SHISA9: variants seen among roughly 807,000 people sequenced by gnomAD.
SHISA9 encodes shisa family member 9.
In SHISA9, 13 loss-of-function variants were observed where a neutral mutation model predicts 38.0. The ratio of observed to expected loss-of-function variants is 0.34; its 90% CI spans 0.22 to 0.54. SHISA9 has a LOEUF of 0.54. Ranked by LOEUF, SHISA9 falls within the 20% of genes least tolerant of loss-of-function variation. The probability of loss-of-function intolerance (pLI) is 0.91; values close to 1 mark genes in which losing one functional copy is unlikely to be tolerated. For missense variants in SHISA9, 538 were observed against 575.8 expected, an observed-to-expected ratio of 0.93 and a Z score of 0.67; for synonymous variants, 275 against 242.0, an observed-to-expected ratio of 1.14 and a Z score of -1.27.
At chr16:13,386,196 ATAT>A in the SHISA9 span, among the ~76,000 whole-genome samples, 1 of 152,220 alleles carries the variant, frequency 6.6e-6, no homozygotes, top group Admixed American at 6.5e-5. Flanking sequence ...CCTGATTATG[ATAT>A]TATACTATAA....
the SHISA9 span, among the ~76,000 whole-genome samples, chr16:13,307,050 T>A: frequency 6.6e-6 from 1 of 152,170 alleles, no homozygotes; most frequent in Admixed American, 6.5e-5. Flanking sequence ...TATTAAGAAA[T>A]AAAAATATCA....
At chr16:13,342,486 A>G in the SHISA9 span, among the ~76,000 whole-genome samples, 1 of 152,090 alleles carries the variant, frequency 6.6e-6, no homozygotes, top group African/African-American at 2.4e-5. Context: ...GAATTTCACC[A>G]TGTTGGTCAG....
chr16:13,042,087 A>T (rs2073138468), intron 2 of SHISA9, among the ~76,000 whole-genome samples: 1 of 152,146 alleles, frequency 6.6e-6, no homozygotes, highest in African/African-American at 2.4e-5. Context: ...ATTACCAACA[A>T]CTATGGAGGC....
the SHISA9 span, among the ~76,000 whole-genome samples, chr16:13,295,583 T>C: frequency 2.0e-5 from 3 of 152,160 alleles, no homozygotes; most frequent in East Asian, 1.9e-4. Flanking sequence ...GAGCCTTGGT[T>C]TGCATATCAG....
chr16:13,293,426 G>A, the SHISA9 span, among the ~76,000 whole-genome samples: 1 of 152,154 alleles, frequency 6.6e-6, no homozygotes, highest in Non-Finnish European at 1.5e-5. Flanking sequence ...CAGTGGTTGA[G>A]AGCCCAGACT....
the SHISA9 span, among the ~76,000 whole-genome samples, chr16:13,449,263 G>T: frequency 2.0e-5 from 3 of 152,132 alleles, no homozygotes; most frequent in Non-Finnish European, 4.4e-5. Context: ...AGACCAAAAT[G>T]TTCAAGGAAT....
At chr16:13,087,397 C>T (rs1403563516) in intron 2 of SHISA9, among the ~76,000 whole-genome samples, 2 of 152,120 alleles carry the variant, frequency 1.3e-5, no homozygotes, top group African/African-American at 4.8e-5. Flanking sequence ...TGAGGAATCG[C>T]CACACTGTCT....
At chr16:13,530,566 G>A in the SHISA9 span, among the ~76,000 whole-genome samples, 7 of 152,112 alleles carry the variant, frequency 4.6e-5, no homozygotes, top group Admixed American at 4.6e-4. Flanking sequence ...TAAGTATGAT[G>A]GCATCCGTGA....
intron 4 of SHISA9, among the ~76,000 whole-genome samples, chr16:13,224,602 C>T (rs1431287605): frequency 6.6e-6 from 1 of 152,208 alleles, no homozygotes; most frequent in East Asian, 1.9e-4. Flanking sequence ...GAGGATACAG[C>T]AGTGAGCAGA....
chr16:13,275,366 G>A, the SHISA9 span, among the ~76,000 whole-genome samples: 1 of 152,050 alleles, frequency 6.6e-6, no homozygotes, highest in East Asian at 1.9e-4. Flanking sequence ...TAGTAATTAA[G>A]TCTAAGGTCA....
chr16:13,154,325 A>C lies in SHISA9; in HGVS notation c.692-49069A>C, dbSNP rs573405356. ...AATTTCCCTGCTCTTTGGCCATCTC[A>C]AAGTGTGGTTTCTGTTCTCTGACCT... On this transcript the variant is annotated intron_variant, in intron 2 of 4. Transcript: ENST00000558583. Among the ~76,000 whole-genome samples, 34 of 152,232 alleles carry C rather than the reference A, an allele frequency of 2.2e-4. 1 individual carries two copies. The South Asian group carries it at 6.6e-3, about 30-fold the overall frequency.
intron 2 of SHISA9, among the ~76,000 whole-genome samples, chr16:13,078,193 A>T (rs555568258): frequency 6.6e-6 from 1 of 152,228 alleles, no homozygotes; most frequent in African/African-American, 2.4e-5. Flanking sequence ...GATTGGTTCC[A>T]GGACCCCCCA....
At chr16:13,151,006 T>C (rs1273017421) in intron 2 of SHISA9, among the ~76,000 whole-genome samples, 1 of 152,198 alleles carries the variant, frequency 6.6e-6, no homozygotes, top group African/African-American at 2.4e-5. Context: ...ACCCCAATTA[T>C]TACCGACTTC....
At chr16:13,308,446 T>C in the SHISA9 span, among the ~76,000 whole-genome samples, 3 of 152,214 alleles carry the variant, frequency 2.0e-5, no homozygotes, top group African/African-American at 4.8e-5. Context: ...GGTTGCATTA[T>C]TCAAGGTAGA....
At chr16:12,994,070 A>G (rs531612574) in intron 2 of SHISA9, among the ~76,000 whole-genome samples, 1 of 152,316 alleles carries the variant, frequency 6.6e-6, no homozygotes, top group East Asian at 1.9e-4. Flanking sequence ...AAGCTTGTGT[A>G]AGGTTTTACA....
intron 2 of SHISA9, among the ~76,000 whole-genome samples, chr16:13,065,431 A>G (rs2073422858): frequency 1.3e-5 from 2 of 152,218 alleles, no homozygotes; most frequent in South Asian, 4.1e-4. Flanking sequence ...AAGAAAACAG[A>G]ATTCAAGGCC....
the SHISA9 span, among the ~76,000 whole-genome samples, chr16:13,540,737 G>A: frequency 6.6e-6 from 1 of 152,178 alleles, no homozygotes; most frequent in African/African-American, 2.4e-5. Context: ...TGAGCATTAA[G>A]TGAGAAAAAT....
At chr16:13,217,500 A>G (rs561629992) in intron 4 of SHISA9, among the ~76,000 whole-genome samples, 1 of 152,204 alleles carries the variant, frequency 6.6e-6, no homozygotes, top group African/African-American at 2.4e-5. Flanking sequence ...GCTTCTGACT[A>G]GAATCAGCCT....
chr16:13,428,075 A>G, the SHISA9 span, among the ~76,000 whole-genome samples: 1 of 152,248 alleles, frequency 6.6e-6, no homozygotes, highest in African/African-American at 2.4e-5. Context: ...TGAATTTGTC[A>G]CTGAAGACAC....
Sources: gnomAD v4.1 joint callset for allele counts (sites outside exome capture counted in the v4.1 genomes callset) on GRCh38, gnomAD v4.1.1 for gene constraint, MANE v1.5 for transcripts, NCBI Gene and HGNC (gene_info 2026-07-23, HGNC 2026-07-21) for gene names.